ZC3H4: variants seen among roughly 807,000 people sequenced by gnomAD.
The protein encoded by ZC3H4 is zinc finger CCCH-type containing 4.
In ZC3H4, 13 loss-of-function variants were observed where a neutral mutation model predicts 108.3. The ratio of observed to expected loss-of-function variants is 0.12; its 90% CI spans 0.08 to 0.19. The LOEUF (loss-of-function observed/expected upper bound fraction) is 0.19, where lower values mean the gene tolerates loss of function less well. Among genes scored for constraint, ZC3H4 ranks in the 10% least tolerant of loss-of-function variants. The probability of loss-of-function intolerance (pLI) is 1.00; values close to 1 mark genes in which losing one functional copy is unlikely to be tolerated. For missense variants in ZC3H4, 1,734 were observed against 1,838.8 expected, an observed-to-expected ratio of 0.94 and a Z score of 1.04; for synonymous variants, 917 against 749.6, an observed-to-expected ratio of 1.22 and a Z score of -3.65.
rs369289899 is a variant in ZC3H4 at position 47,081,427 on chromosome 19, T to C, written c.1440+86A>G. Reference sequence around the variant, plus strand: ...CAACCAAACTGGGCACTGCAGAGGCTGGACAGGCAGGCCACAGCACTGAGG... The same window carrying C: ...CAACCAAACTGGGCACTGCAGAGGCCGGACAGGCAGGCCACAGCACTGAGG... On this transcript the variant is annotated intron_variant, in intron 11 of 14. Transcript: ENST00000253048. 4 of 1,073,790 alleles carry C rather than the reference T, an allele frequency of 3.7e-6. No homozygotes were observed. In the East Asian group the frequency reaches 7.2e-5, roughly 19 times the overall value. 66.5% of individuals were successfully genotyped at this position (1,073,790 alleles called of 1,614,324 possible).
At position 47,067,666 on chromosome 19, in the gene ZC3H4, G is replaced by A. The variant is rs1186433676; in HGVS notation, c.2602C>T (p.Pro868Ser). Residue 868 changes from proline (P) to serine (S), a missense_variant, in exon 15 of 15, where the codon CCC becomes TCC. Pro to Ser is a moderately conservative substitution (Grantham distance 74). This residue lies in a region of ZC3H4 where 540 missense variants were observed against 484.1 expected (regional missense o/e 1.12). Transcript: ENST00000253048. The surrounding 1 kb of genome is among the most constrained non-coding windows in gnomAD (Gnocchi z 6.4). Reference sequence around the variant, plus strand: ...GCCTCCACATGGCGGGTGAGTCTGGGGTCCCGGCTGAGGCGAGGGTCAGCC... The same window carrying A: ...GCCTCCACATGGCGGGTGAGTCTGGAGTCCCGGCTGAGGCGAGGGTCAGCC... ...RLADPRLSRD[P>S]RLTRHVEASG... 1.1e-5 allele frequency: 17 copies of A among 1,601,372 alleles called. No individual in the cohort carries two copies. Among genetic ancestry groups the A allele is most frequent in the Non-Finnish European group, 1.4e-5 (16 of 1,176,112 alleles).
chr19:47,082,608 T>C (rs1257720737), intron 9 of ZC3H4, among the ~76,000 whole-genome samples: 1 of 152,186 alleles, frequency 6.6e-6, no homozygotes, highest in East Asian at 1.9e-4. Flanking sequence ...CCACCAAGCC[T>C]GGGTACTTCC....
At chr19:47,101,086 A>T (rs1326145978) in intron 2 of ZC3H4, among the ~76,000 whole-genome samples, 1 of 152,110 alleles carries the variant, frequency 6.6e-6, no homozygotes, top group African/African-American at 2.4e-5. Flanking sequence ...TCATGCCTGT[A>T]ATCCCAGCAT....
At chr19:47,080,898 G>A (rs1245019603) in intron 11 of ZC3H4, among the ~76,000 whole-genome samples, 2 of 152,086 alleles carry the variant, frequency 1.3e-5, no homozygotes, top group Non-Finnish European at 2.9e-5. Flanking sequence ...CTCCCACAGT[G>A]CTGAGATTAC....
intron 5 of ZC3H4, among the ~76,000 whole-genome samples, chr19:47,089,599 C>T (rs1231444699): frequency 6.6e-6 from 1 of 152,208 alleles, no homozygotes; most frequent in Non-Finnish European, 1.5e-5. Context: ...ACTGCAGTCA[C>T]ACTTTGTCAG....
In ZC3H4 at chr19:47,072,639, G is replaced by T. The variant is rs772539001; in HGVS notation, c.1515C>A (p.Asn505Lys). 6.2e-6 allele frequency: 10 copies of T among 1,613,006 alleles called. 1 individual carries two copies. In the South Asian group the frequency reaches 1.1e-4, roughly 18 times the overall value. ...CACCAGGGGGCGGTTTGGGCAGGGG[G>T]TTGATGCCCTGCTTCTTCAGTTCCT... ...EVEELKKQGI[N>K]PLPKPPPGVG... is the part of the protein sequence containing the mutation. The change falls in exon 12 of 15, where the codon AAC becomes AAA. Residue 505 changes from asparagine (N) to lysine (K), a missense_variant. This residue lies in a region of ZC3H4 where 66 missense variants were observed against 166.8 expected (regional missense o/e 0.40). Coordinates refer to ENST00000253048, the MANE Select transcript of ZC3H4 (RefSeq NM_015168.2). The surrounding 1 kb of genome is among the most constrained non-coding windows in gnomAD (Gnocchi z 5.6).
chr19:47,072,358 C>T lies in ZC3H4; in HGVS notation c.1796G>A (p.Gly599Asp). The T allele has an allele frequency of 6.2e-7, 1 of 1,612,976 alleles. No individual in the cohort carries two copies. The highest frequency in any genetic ancestry group is 1.1e-5 in the South Asian group (1 of 90,858). Residue 599 changes from glycine to aspartate, a missense_variant, in exon 12 of 15, where the codon GGT (glycine) becomes GAT (aspartate). Around this residue, in one of 9 missense-constraint regions of ZC3H4, gnomAD observed 12 missense variants for 36.4 expected, o/e 0.33. Coordinates refer to ENST00000253048, the MANE Select transcript of ZC3H4 (RefSeq NM_015168.2). The surrounding 1 kb of genome is among the most constrained non-coding windows in gnomAD (Gnocchi z 5.6). Reference sequence around the variant, plus strand: ...GGGGGTCCAGGGCACTCACCTCACACCCAGCTTCTCAGCCAGCTGTCCCGT... The same window carrying T: ...GGGGGTCCAGGGCACTCACCTCACATCCAGCTTCTCAGCCAGCTGTCCCGT... ...RPTGQLAEKL[G>D]VRFPGPGGPP... is the part of the protein sequence containing the mutation.
chr19:47,110,044 G>A (rs183284079), intron 2 of ZC3H4, among the ~76,000 whole-genome samples: 3 of 152,130 alleles, frequency 2.0e-5, no homozygotes, highest in Non-Finnish European at 2.9e-5. Flanking sequence ...ATGTGCTTTC[G>A]AACAAAGGAG....
At chr19:47,111,095 G>A in intron 2 of ZC3H4, 1 of 164,708 alleles carries the variant, frequency 6.1e-6, no homozygotes, top group Non-Finnish European at 1.3e-5. Flanking sequence ...CTGCGACGGA[G>A]TAGCCATCTG....
At chr19:47,069,471 G>C in intron 13 of ZC3H4, 128 bp from the exon 14 acceptor site, 1 of 1,236,330 alleles carries the variant, frequency 8.1e-7, no homozygotes, top group Non-Finnish European at 1.1e-6. Context: ...GCCCCTGCCT[G>C]CCCTCCCCAG....
At position 47,112,603 on chromosome 19, in the gene ZC3H4, G is replaced by T; in HGVS notation, c.-5-14C>A. On this transcript the variant is annotated splice_polypyrimidine_tract_variant and intron_variant, in intron 1 of 14. Transcript: ENST00000253048. Reference sequence around the variant, plus strand: ...CCTCCATAGTTCCTTTGGGGGGGAGGGGATGTTAATGCACGAAAAAGGACT... The same window carrying T: ...CCTCCATAGTTCCTTTGGGGGGGAGTGGATGTTAATGCACGAAAAAGGACT... The T allele has an allele frequency of 8.2e-7, 1 of 1,213,084 alleles. No individual in the cohort carries two copies. The highest frequency in any genetic ancestry group is 1.0e-6 in the Non-Finnish European group (1 of 969,032). The allele number at this position is 1,213,084 out of a possible 1,614,324, so 75.1% of individuals were successfully genotyped here.
rs369912991 is a variant in ZC3H4, at chr19:47,096,559, C to A, written c.162-1951G>T. Among the ~76,000 whole-genome samples, 31 of 152,282 alleles carry A rather than the reference C, an allele frequency of 2.0e-4. No individual in the cohort carries two copies. The East Asian group carries it at 4.4e-3, about 22-fold the overall frequency. On this transcript the variant is annotated intron_variant, in intron 2 of 14. Coordinates refer to ENST00000253048, the MANE Select transcript of ZC3H4 (RefSeq NM_015168.2). ...GCTGTGCAGACACTGGGAGGTGGCA[C>A]CCTGATGGGAATACTGGGGGCAGGC...
intron 13 of ZC3H4, among the ~76,000 whole-genome samples, chr19:47,070,080 C>T (rs2035424474): frequency 6.6e-6 from 1 of 151,620 alleles, no homozygotes; most frequent in South Asian, 2.1e-4. Flanking sequence ...ACGCCTCCTG[C>T]ATGTTGCGTG....
rs200133762 is a variant in ZC3H4, at chr19:47,066,235, AAAAAG to A, written c.*116_*120del. 3.3e-3 allele frequency: 2,435 copies of A among 738,116 alleles called. 39 individuals carry two copies. In the African/African-American group the frequency reaches 0.039, roughly 12 times the overall value. The allele number at this position is 738,116 out of a possible 1,614,324, so 45.7% of individuals were successfully genotyped here. A position where few individuals can be genotyped will look rare whatever the true frequency, so the allele number is the denominator to read the frequency against. ...AAATAAAAGAGACGGAAAGCAAAAG[AAAAAG>A]AAAAGAAAAAAGGAACACCCAGCCT... On this transcript the variant is annotated 3_prime_UTR_variant, in exon 15 of 15. Coordinates refer to ENST00000253048, the MANE Select transcript of ZC3H4 (RefSeq NM_015168.2).
Position 47,106,946 on chromosome 19 carries a change from C to T in ZC3H4, c.161+5478G>A, listed in dbSNP as rs925494097. Among the ~76,000 whole-genome samples, 5 of 152,274 alleles carry T rather than the reference C, an allele frequency of 3.3e-5. No homozygotes were observed. In the South Asian group the frequency reaches 1.0e-3, roughly 32 times the overall value. ...TTGCGTGGGGAAACTGACTAGTTTG[C>T]AGTGGTATGAGATTCTAGATCCCTG... On this transcript the variant is annotated intron_variant, in intron 2 of 14. Coordinates refer to ENST00000253048, the MANE Select transcript of ZC3H4 (RefSeq NM_015168.2).
At chr19:47,105,345 A>T (rs2057955058) in intron 2 of ZC3H4, among the ~76,000 whole-genome samples, 1 of 152,216 alleles carries the variant, frequency 6.6e-6, no homozygotes, top group African/African-American at 2.4e-5. Flanking sequence ...TCATACCTGT[A>T]ATCCTATCAC....
At position 47,085,427 on chromosome 19, in the gene ZC3H4, GAGGAGAGGGC is replaced by G. The variant is rs1200163500; in HGVS notation, c.871-23_871-14del. The G allele has an allele frequency of 1.9e-6, 3 of 1,565,498 alleles. No homozygotes were observed. Among genetic ancestry groups the G allele is most frequent in the Non-Finnish European group, 2.6e-6 (3 of 1,157,508 alleles). ...CACTCTCTCCATACTGGAATGCGCA[GAGGAGAGGGC>G]AGGAGAGCGTCAGGTAGGGAACAAT... is the stretch of plus-strand genomic sequence containing the variant. On this transcript the variant is annotated splice_polypyrimidine_tract_variant and intron_variant, in intron 6 of 14. Transcript: ENST00000253048.
intron 2 of ZC3H4, among the ~76,000 whole-genome samples, chr19:47,099,506 C>T (rs1018705833): frequency 2.0e-5 from 3 of 151,770 alleles, no homozygotes; most frequent in Non-Finnish European, 4.4e-5. Flanking sequence ...CTCTCCCTGA[C>T]GGACACTGCT....
At chr19:47,079,602 A>T (rs2057485528) in intron 11 of ZC3H4, among the ~76,000 whole-genome samples, 1 of 152,108 alleles carries the variant, frequency 6.6e-6, no homozygotes. Flanking sequence ...TACTGATTAC[A>T]TAACCCTGGG....
Sources: allele counts gnomAD v4.1 joint callset (sites outside exome capture counted in the v4.1 genomes callset), GRCh38; gene constraint gnomAD v4.1.1; regional missense constraint gnomAD v4.1.1; non-coding constraint Gnocchi (gnomAD v3.1); transcripts MANE v1.5; gene names NCBI Gene and HGNC (gene_info 2026-07-23, HGNC 2026-07-21).